The following UVRAG variants were observed in gnomAD, a reference collection of about 807,000 sequenced individuals.
UVRAG encodes the protein UV radiation resistance associated, also known as UV radiation resistance-associated gene protein.
In UVRAG, 19 loss-of-function variants were observed where a neutral mutation model predicts 78.0. The ratio of observed to expected loss-of-function variants is 0.24; its 90% CI spans 0.17 to 0.36. UVRAG has a LOEUF of 0.36. Among genes scored for constraint, UVRAG ranks in the 10% least tolerant of loss-of-function variants. The probability of loss-of-function intolerance (pLI) is 1.00; values close to 1 mark genes in which losing one functional copy is unlikely to be tolerated. For synonymous variants in UVRAG, 323 were observed against 324.6 expected (o/e 1.00, Z 0.05); for missense variants, 740 against 853.8 (o/e 0.87, Z 1.66).
In UVRAG at chr11:75,819,232, C is replaced by T. The variant is rs190420951; in HGVS notation, c.117+3708C>T. 4.6e-3 allele frequency among the ~76,000 whole-genome samples: 705 copies of T among 152,314 alleles called. 5 individuals carry two copies. The highest frequency in any genetic ancestry group is 0.016 in the African/African-American group (645 of 41,572). On this transcript the variant is annotated intron_variant, in intron 1 of 14. Transcript: ENST00000356136. The stretch of plus-strand genomic sequence containing the variant: ...TACTAACTATAGTCCATATCAGCCC[C>T]TTGACTGTGTCAGATGGGACTACTA...
At chr11:76,080,148 G>A (rs577362207) in intron 13 of UVRAG, among the ~76,000 whole-genome samples, 1 of 152,194 alleles carries the variant, frequency 6.6e-6, no homozygotes, top group Admixed American at 6.5e-5. Flanking sequence ...CCTCTTAAAG[G>A]TTCCACCCCT....
chr11:75,848,037 A>T (rs1447976777), intron 1 of UVRAG, among the ~76,000 whole-genome samples: 1 of 151,690 alleles, frequency 6.6e-6, no homozygotes, highest in Admixed American at 6.6e-5. Context: ...CTCTAAAAAA[A>T]AAAAAAAAAA....
At chr11:76,033,816 G>T (rs1264894601) in intron 12 of UVRAG, among the ~76,000 whole-genome samples, 1 of 152,060 alleles carries the variant, frequency 6.6e-6, no homozygotes, top group Non-Finnish European at 1.5e-5. Context: ...CATCAAACTG[G>T]CAAAAATTAG....
intron 12 of UVRAG, among the ~76,000 whole-genome samples, chr11:76,062,340 A>G (rs1951109599): frequency 6.6e-6 from 1 of 152,162 alleles, no homozygotes. Context: ...GTAACCCGCT[A>G]CATCCACTGA....
chr11:75,970,499 G>A (rs955772684), intron 7 of UVRAG, among the ~76,000 whole-genome samples: 5 of 152,080 alleles, frequency 3.3e-5, no homozygotes, highest in South Asian at 2.1e-4. Context: ...TTGGGAGGCC[G>A]AGGCAGGCGG....
intron 12 of UVRAG, among the ~76,000 whole-genome samples, chr11:76,030,183 A>AT (rs1420288509): frequency 6.6e-6 from 1 of 151,750 alleles, no homozygotes; most frequent in African/African-American, 2.4e-5. Context: ...CTTTATTGAG[A>AT]TACTCACTTT....
intron 7 of UVRAG, among the ~76,000 whole-genome samples, chr11:75,974,501 G>A (rs1355397893): frequency 1.3e-5 from 2 of 151,186 alleles, no homozygotes; most frequent in Non-Finnish European, 3.0e-5. Context: ...CGAGTAGCTG[G>A]GACTACAGGC....
chr11:75,870,711 C>A (rs1946628551), intron 3 of UVRAG, among the ~76,000 whole-genome samples: 1 of 151,800 alleles, frequency 6.6e-6, no homozygotes, highest in South Asian at 2.1e-4. Flanking sequence ...CAGTGGGGCA[C>A]CTGTTGTTTT....
At chr11:76,132,149 A>T (rs1212358874) in intron 14 of UVRAG, among the ~76,000 whole-genome samples, 1 of 152,234 alleles carries the variant, frequency 6.6e-6, no homozygotes, top group Non-Finnish European at 1.5e-5. Flanking sequence ...AACACAGTTG[A>T]CATGATATTG....
intron 8 of UVRAG, among the ~76,000 whole-genome samples, chr11:75,989,896 C>T (rs142803871): frequency 2.8e-4 from 42 of 152,304 alleles, no homozygotes; most frequent in Admixed American, 2.7e-3. Context: ...CTTTGAGGGG[C>T]TTTCATATAG....
intron 12 of UVRAG, among the ~76,000 whole-genome samples, chr11:76,046,380 G>A (rs1347590251): frequency 1.3e-5 from 2 of 152,144 alleles, no homozygotes; most frequent in Admixed American, 6.5e-5. Context: ...CCAAGAAAGA[G>A]TGAAACTGAA....
intron 7 of UVRAG, among the ~76,000 whole-genome samples, chr11:75,972,354 TG>T (rs1949140910): frequency 6.6e-6 from 1 of 152,176 alleles, no homozygotes; most frequent in African/African-American, 2.4e-5. Context: ...TTTAATTTCA[TG>T]TTTAGATCTG....
At chr11:76,081,689 T>C (rs1171018214) in intron 13 of UVRAG, among the ~76,000 whole-genome samples, 4 of 152,050 alleles carry the variant, frequency 2.6e-5, no homozygotes, top group African/African-American at 9.7e-5. Context: ...TTAGAGGTGA[T>C]GGGAGGGTAG....
At chr11:76,017,749 G>A (rs1950175825) in intron 12 of UVRAG, among the ~76,000 whole-genome samples, 1 of 151,992 alleles carries the variant, frequency 6.6e-6, no homozygotes, top group Admixed American at 6.5e-5. Flanking sequence ...TTAAAATATG[G>A]AAAAAACAGA....
intron 13 of UVRAG, among the ~76,000 whole-genome samples, chr11:76,092,764 A>T (rs569802121): frequency 2.0e-5 from 3 of 151,846 alleles, no homozygotes; most frequent in African/African-American, 7.3e-5. Flanking sequence ...GATTGCAAAA[A>T]TTTTCTCCCA....
intron 13 of UVRAG, among the ~76,000 whole-genome samples, chr11:76,092,343 GTATATA>G (rs1951714942): frequency 6.6e-6 from 1 of 152,150 alleles, no homozygotes; most frequent in Non-Finnish European, 1.5e-5. Flanking sequence ...AATCCTTTGG[GTATATA>G]CCCAGTAATA....
chr11:76,051,091 T>TA (rs1163780625), intron 12 of UVRAG, among the ~76,000 whole-genome samples: 3 of 152,358 alleles, frequency 2.0e-5, no homozygotes, highest in African/African-American at 7.2e-5. Flanking sequence ...GGTGTCCTGA[T>TA]ACGTTTAAGC....
At chr11:76,128,515 G>T (rs930854177) in intron 14 of UVRAG, among the ~76,000 whole-genome samples, 4 of 152,194 alleles carry the variant, frequency 2.6e-5, no homozygotes, top group African/African-American at 9.7e-5. Flanking sequence ...TAGCAATATG[G>T]TCTTTGCCCA....
intron 1 of UVRAG, among the ~76,000 whole-genome samples, chr11:75,824,126 T>C (rs978566224): frequency 1.3e-5 from 2 of 152,210 alleles, no homozygotes; most frequent in African/African-American, 4.8e-5. Context: ...CCTCACGCAA[T>C]GCACTACCAT....
Sources: gnomAD v4.1 joint callset for allele counts (sites outside exome capture counted in the v4.1 genomes callset) on GRCh38, gnomAD v4.1.1 for gene constraint, MANE v1.5 for transcripts, NCBI Gene and HGNC (gene_info 2026-07-23, HGNC 2026-07-21) for gene names.